Variants in SPOCK2 observed in about 807,000 individuals in gnomAD.
The protein encoded by SPOCK2 is testican-2.
Under a neutral mutation model 60.1 loss-of-function variants are expected in SPOCK2, and 39 were observed. The ratio of observed to expected loss-of-function variants is 0.65; its 90% CI spans 0.50 to 0.85. The LOEUF is 0.85. Ranked by LOEUF, SPOCK2 falls within the 40% of genes least tolerant of loss-of-function variation. The pLI, the probability that SPOCK2 is intolerant of heterozygous loss-of-function variation, is 0.00. For synonymous variants in SPOCK2, 217 were observed against 231.5 expected (o/e 0.94, Z 0.57); for missense variants, 523 against 567.4 (o/e 0.92, Z 0.80).
In SPOCK2 at chr10:72,088,467, T is replaced by C; in HGVS notation, c.-139A>G. The C allele has an allele frequency of 9.6e-7, 1 of 1,039,920 alleles. No individual in the cohort carries two copies. The highest frequency in any genetic ancestry group is 1.3e-6 in the Non-Finnish European group (1 of 742,780). 64.4% of individuals were successfully genotyped at this position (1,039,920 alleles called of 1,614,324 possible). On this transcript the variant is annotated 5_prime_UTR_variant, in exon 1 of 11. Coordinates refer to ENST00000373109, the MANE Select transcript of SPOCK2 (RefSeq NM_001244950.2). ...TCTGCCTCCGGTGACTGGCGGAGAG[T>C]GGGTCGCGGCTGAAATGTGACCTGG... is the stretch of plus-strand genomic sequence containing the variant.
intron 4 of SPOCK2, 81 bp from the exon 5 acceptor site, chr10:72,070,507 G>A: frequency 7.5e-7 from 1 of 1,338,282 alleles, no homozygotes; most frequent in East Asian, 2.3e-5. Context: ...GAGCAGACCT[G>A]TTCCAACAGG....
intron 1 of SPOCK2, among the ~76,000 whole-genome samples, chr10:72,085,023 T>C (rs1258365120): frequency 6.6e-6 from 1 of 152,214 alleles, no homozygotes; most frequent in Admixed American, 6.5e-5. Flanking sequence ...AACAGTCAGC[T>C]CTTCGTAGCC....
chr10:72,083,372 C>G (rs1176473214), intron 1 of SPOCK2, among the ~76,000 whole-genome samples: 5 of 152,230 alleles, frequency 3.3e-5, no homozygotes, highest in Non-Finnish European at 7.3e-5. Flanking sequence ...CACCTCCCCA[C>G]TAAACCACCA....
intron 8 of SPOCK2, 92 bp downstream of exon 8, chr10:72,066,810 G>A (rs1389736514): frequency 3.0e-5 from 44 of 1,469,224 alleles, no homozygotes; most frequent in Non-Finnish European, 3.6e-5. Context: ...ACGTAGCCAA[G>A]AAAGAGCCAC....
chr10:72,088,620 T>TAA, upstream of SPOCK2: 1 of 302,226 alleles, frequency 3.3e-6, no homozygotes, highest in Non-Finnish European at 5.9e-6. Context: ...CATACCTGGT[T>TAA]TAAAAAAAAA....
chr10:72,067,489 C>A (rs16929601), intron 7 of SPOCK2, 124 bp downstream of exon 7: 3 of 1,497,772 alleles, frequency 2.0e-6, no homozygotes, highest in Admixed American at 2.0e-5. Flanking sequence ...TCTTTTGGGG[C>A]CCAGATTGTA....
rs200294662 is a variant in SPOCK2 at position 72,066,887 on chromosome 10, G to A, written c.928+15C>T. The A allele has an allele frequency of 1.9e-6, 3 of 1,613,756 alleles. No homozygotes were observed. Among genetic ancestry groups the A allele is most frequent in the African/African-American group, 1.3e-5 (1 of 74,914 alleles). On this transcript the variant is annotated intron_variant, in intron 8 of 10. Coordinates refer to ENST00000373109, the MANE Select transcript of SPOCK2 (RefSeq NM_001244950.2). ...CACGGGTGAGGCAGGGGCCTGGGAG[G>A]GGGGCTGCACTCACTCTCCCTCCAG...
chr10:72,087,909 T>A lies in SPOCK2; in HGVS notation c.189+231A>T, dbSNP rs1355157681. Among the ~76,000 whole-genome samples, 1 of 151,044 alleles carries A rather than the reference T, an allele frequency of 6.6e-6. No homozygotes were observed. The highest frequency in any genetic ancestry group is 1.5e-5 in the Non-Finnish European group (1 of 67,630). ...GCGACCCCGGAGCGTCGGGCAGGTGTGGAGCTGGGGGTCCCGGGGCTGGGG... is the reference window on the plus strand; with the variant it reads ...GCGACCCCGGAGCGTCGGGCAGGTGAGGAGCTGGGGGTCCCGGGGCTGGGG... On this transcript the variant is annotated intron_variant, in intron 1 of 10. Coordinates refer to ENST00000373109, the MANE Select transcript of SPOCK2 (RefSeq NM_001244950.2). This position sits in a 1 kb window ranked among gnomAD's most constrained non-coding sequence, Gnocchi z 4.7.
In SPOCK2 at chr10:72,086,881, T is replaced by C; in HGVS notation, c.189+1259A>G. ...ACTTGGCTGGATAGCCTATGAAGCATGTGTGTTTTAAACAAATTTCCAAGG... is the reference window on the plus strand; with the variant it reads ...ACTTGGCTGGATAGCCTATGAAGCACGTGTGTTTTAAACAAATTTCCAAGG... On this transcript the variant is annotated intron_variant, in intron 1 of 10. Transcript: ENST00000373109. 12 of 1,550,884 alleles carry C rather than the reference T, an allele frequency of 7.7e-6. No homozygotes were observed. In the South Asian group the frequency reaches 1.2e-4, roughly 15 times the overall value.
intron 9 of SPOCK2, among the ~76,000 whole-genome samples, chr10:72,063,375 G>A (rs963348145): frequency 6.6e-6 from 1 of 152,190 alleles, no homozygotes; most frequent in Admixed American, 6.5e-5. Context: ...GAGGAAACCC[G>A]CTTCCTTGAA....
At position 72,062,776 on chromosome 10, in the gene SPOCK2, C is replaced by T. The variant is rs777237983; in HGVS notation, c.1259G>A (p.Gly420Glu). The change falls in exon 11 of 11, where the codon GGG becomes GAG. Residue 420 changes from glycine (G) to glutamate (E), a missense_variant. Gly to Glu is a moderately conservative substitution (Grantham distance 98). Transcript: ENST00000373109. This position sits in a 1 kb window ranked among gnomAD's most constrained non-coding sequence, Gnocchi z 4.3. ...EEGEAGEADD[G>E]GYIW is the part of the protein sequence containing the mutation. Reference sequence around the variant, plus strand: ...TGAGGGCGTCTACCAGATGTAGCCCCCGTCGTCAGCCTCGCCTGCCTCGCC... The same window carrying T: ...TGAGGGCGTCTACCAGATGTAGCCCTCGTCGTCAGCCTCGCCTGCCTCGCC... 1 of 1,606,956 alleles carries T rather than the reference C, an allele frequency of 6.2e-7. No homozygotes were observed. The highest frequency in any genetic ancestry group is 8.5e-7 in the Non-Finnish European group (1 of 1,179,568).
At chr10:72,086,661 G>T (rs754159459) in intron 1 of SPOCK2, 1 of 1,259,438 alleles carries the variant, frequency 7.9e-7, no homozygotes, top group Non-Finnish European at 1.0e-6. Context: ...AGGCTCCTGC[G>T]GCTGGACAGG....
At chr10:72,086,137 C>T in intron 1 of SPOCK2, 1 of 950,710 alleles carries the variant, frequency 1.1e-6, no homozygotes, top group Non-Finnish European at 1.3e-6. Context: ...TTTTAGAGGA[C>T]ATCTGTCCTA....
chr10:72,062,517 GAC>G lies in SPOCK2; in HGVS notation c.*241_*242del. 1.5e-6 allele frequency: 1 copy of G among 656,522 alleles called. No individual in the cohort carries two copies. The highest frequency in any genetic ancestry group is 2.4e-6 in the Non-Finnish European group (1 of 419,954). The allele number at this position is 656,522 out of a possible 1,614,324, so 40.7% of individuals were successfully genotyped here. A position where few individuals can be genotyped will look rare whatever the true frequency, so the allele number is the denominator to read the frequency against. On this transcript the variant is annotated 3_prime_UTR_variant, in exon 11 of 11. Coordinates refer to ENST00000373109, the MANE Select transcript of SPOCK2 (RefSeq NM_001244950.2). The surrounding 1 kb of genome is among the most constrained non-coding windows in gnomAD (Gnocchi z 4.3). ...TCTGCCAGGAGCAGTGTGGATCAAG[GAC>G]ACATTTGTCAGCGCATGCCACACAC...
chr10:72,067,088 C>T lies in SPOCK2; in HGVS notation c.742G>A (p.Asp248Asn), dbSNP rs773080429. The change falls in exon 8 of 11, where the codon GAC becomes AAC. Residue 248 changes from aspartate (D) to asparagine (N), a missense_variant. Asp to Asn is a conservative substitution (Grantham distance 23, BLOSUM62 1). Transcript: ENST00000373109. Reference sequence around the variant, plus strand: ...TTGGAGAACATCCAGCCAATGGAGTCCTTGCAGCTGGCCCCCAGGCTCTTG... The same window carrying T: ...TTGGAGAACATCCAGCCAATGGAGTTCTTGCAGCTGGCCCCCAGGCTCTTG... The part of the protein sequence containing the change: ...LDKSLGASCK[D>N]SIGWMFSKLD... The T allele has an allele frequency of 3.7e-6, 6 of 1,614,100 alleles. No homozygotes were observed. The highest frequency in any genetic ancestry group is 3.3e-5 in the South Asian group (3 of 91,066).
rs1366854874 is a variant in SPOCK2 at position 72,062,936 on chromosome 10, G to A, written c.1130-31C>T. 1 of 1,591,932 alleles carries A rather than the reference G, an allele frequency of 6.3e-7. No individual in the cohort carries two copies. ...AGGGGATCAAGCCAACAGGGGGTGAGGGAGCTTCTGGCACGCACCCCCCAG... is the reference window on the plus strand; with the variant it reads ...AGGGGATCAAGCCAACAGGGGGTGAAGGAGCTTCTGGCACGCACCCCCCAG... On this transcript the variant is annotated intron_variant, in intron 10 of 10. Transcript: ENST00000373109. The surrounding 1 kb of genome is among the most constrained non-coding windows in gnomAD (Gnocchi z 4.3).
At chr10:72,081,769 T>C (rs1428729024) in intron 1 of SPOCK2, among the ~76,000 whole-genome samples, 2 of 152,218 alleles carry the variant, frequency 1.3e-5, no homozygotes, top group Admixed American at 6.5e-5. Context: ...TCCCAACCTT[T>C]TGGGGTTCCG....
At chr10:72,066,791 G>A in intron 8 of SPOCK2, 111 bp downstream of exon 8, 1 of 1,241,686 alleles carries the variant, frequency 8.1e-7, no homozygotes, top group Non-Finnish European at 1.1e-6. Context: ...GAAAGTGCTG[G>A]GCCTGGGGAC....
intron 1 of SPOCK2, 50 bp downstream of exon 1, chr10:72,088,090 C>A (rs755861709): frequency 2.5e-6 from 4 of 1,599,452 alleles, no homozygotes; most frequent in Admixed American, 1.7e-5. Flanking sequence ...GGAGCTCAAT[C>A]CCCGAACCCG....
Sources: gnomAD v4.1 joint callset for allele counts (sites outside exome capture counted in the v4.1 genomes callset) on GRCh38, gnomAD v4.1.1 for gene constraint, Gnocchi (gnomAD v3.1) non-coding constraint, MANE v1.5 for transcripts, NCBI Gene and HGNC (gene_info 2026-07-23, HGNC 2026-07-21) for gene names.